HECW2: variants seen among roughly 807,000 people sequenced by gnomAD.
HECW2 encodes the protein E3 ubiquitin-protein ligase HECW2.
Under a neutral mutation model 175.2 loss-of-function variants are expected in HECW2, and 61 were observed. The ratio of observed to expected loss-of-function variants is 0.35; its 90% confidence interval spans 0.28 to 0.43. HECW2 has a LOEUF of 0.43. Among genes scored for constraint, HECW2 ranks in the 20% least tolerant of loss-of-function variants. The probability of loss-of-function intolerance (pLI) is 1.00; values close to 1 mark genes in which losing one functional copy is unlikely to be tolerated. For synonymous variants in HECW2, 671 were observed against 731.0 expected (o/e 0.92, Z 1.32); for missense variants, 1,524 against 2,000.5 (o/e 0.76, Z 4.54).
At chr2:196,333,007 C>T (rs1363139831) in intron 4 of HECW2, among the ~76,000 whole-genome samples, 2 of 151,978 alleles carry the variant, frequency 1.3e-5, no homozygotes, top group African/African-American at 4.8e-5. Context: ...ATTTTGCACA[C>T]ACTATTCCCT....
intron 4 of HECW2, among the ~76,000 whole-genome samples, chr2:196,330,413 T>C (rs1464273780): frequency 2.6e-5 from 4 of 152,198 alleles, no homozygotes; most frequent in South Asian, 2.1e-4. Context: ...AGGCAGAATA[T>C]ACCCAAATGT....
At chr2:196,264,474 T>A (rs940894886) in intron 17 of HECW2, among the ~76,000 whole-genome samples, 9 of 152,138 alleles carry the variant, frequency 5.9e-5, no homozygotes, top group African/African-American at 2.2e-4. Context: ...AACCACTTAT[T>A]AGCAAAAAAA....
chr2:196,339,242 C>A (rs1224606330), intron 3 of HECW2, among the ~76,000 whole-genome samples: 1 of 151,650 alleles, frequency 6.6e-6, no homozygotes, highest in Non-Finnish European at 1.5e-5. Flanking sequence ...ACCGAGGCCA[C>A]CCCATCTACA....
rs186328127 is a variant in HECW2, at chr2:196,473,734, C to T, written c.-35-40276G>A. ...GTGCAGTAACAGGTCTGGCCTTATT[C>T]GTGTTGGATGCTTTGCTTGAAAAAG... On this transcript the variant is annotated intron_variant, in intron 1 of 28. Coordinates refer to ENST00000644978, the MANE Select transcript of HECW2 (RefSeq NM_001348768.2). 2.6e-5 allele frequency among the ~76,000 whole-genome samples: 4 copies of T among 152,310 alleles called. No individual in the cohort carries two copies. In the East Asian group the frequency reaches 5.8e-4, roughly 22 times the overall value.
intron 1 of HECW2, among the ~76,000 whole-genome samples, chr2:196,444,740 T>A (rs146400985): frequency 2.6e-5 from 4 of 152,276 alleles, no homozygotes; most frequent in Non-Finnish European, 4.4e-5. Flanking sequence ...CTCTCACAAG[T>A]AGTGACATTA....
rs929767880 is a variant in HECW2 at position 196,584,230 on chromosome 2, G to A, written c.-36+9278C>T. Among the ~76,000 whole-genome samples, 4 of 152,180 alleles carry A rather than the reference G, an allele frequency of 2.6e-5. 1 individual carries two copies. The highest frequency in any genetic ancestry group is 7.2e-5 in the African/African-American group (3 of 41,452). The stretch of plus-strand genomic sequence containing the variant: ...GCATTCCAGGTGGGAGTTGCTTCCT[G>A]TGGTAAAAGTACTGAGGTGGAGATG... On this transcript the variant is annotated intron_variant, in intron 1 of 28. Transcript: ENST00000644978.
intron 2 of HECW2, among the ~76,000 whole-genome samples, chr2:196,359,109 T>C (rs1255565475): frequency 1.3e-5 from 2 of 152,286 alleles, no homozygotes; most frequent in South Asian, 2.1e-4. Flanking sequence ...GGAATGATAA[T>C]AGCAATTTGA....
intron 1 of HECW2, among the ~76,000 whole-genome samples, chr2:196,559,272 T>C (rs1453196284): frequency 6.6e-6 from 1 of 152,188 alleles, no homozygotes; most frequent in African/African-American, 2.4e-5. Flanking sequence ...TGGCTTAAAG[T>C]ATTTTCTTCA....
intron 1 of HECW2, among the ~76,000 whole-genome samples, chr2:196,542,760 CAT>C (rs969789237): frequency 6.7e-6 from 1 of 149,798 alleles, no homozygotes; most frequent in East Asian, 1.9e-4. Context: ...TATATATGTG[CAT>C]ATATATATAA....
At position 196,319,353 on chromosome 2, in the gene HECW2, C is replaced by A. The variant is rs557270812; in HGVS notation, c.1537G>T (p.Val513Phe). ...TSQTKLEDNP[V>F]ENEEASTHEA... Reference sequence around the variant, plus strand: ...TGTGTGGAGGCTTCCTCATTCTCAACAGGGTTGTCCTCCAGCTTTGTCTGA... The same window carrying A: ...TGTGTGGAGGCTTCCTCATTCTCAAAAGGGTTGTCCTCCAGCTTTGTCTGA... The change falls in exon 9 of 29, where the codon GTT (valine) becomes TTT (phenylalanine). Residue 513 changes from valine to phenylalanine, a missense_variant. Val to Phe is a conservative substitution (Grantham distance 50, BLOSUM62 -1). Around this residue, in one of 11 missense-constraint regions of HECW2, gnomAD observed 604 missense variants for 588.3 expected, o/e 1.03. Coordinates refer to ENST00000644978, the MANE Select transcript of HECW2 (RefSeq NM_001348768.2). 1.2e-6 allele frequency: 2 copies of A among 1,614,090 alleles called. No homozygotes were observed. Among genetic ancestry groups the A allele is most frequent in the Non-Finnish European group, 8.5e-7 (1 of 1,180,042 alleles).
chr2:196,347,646 T>C (rs1315344100), intron 2 of HECW2, among the ~76,000 whole-genome samples: 1 of 152,234 alleles, frequency 6.6e-6, no homozygotes, highest in Non-Finnish European at 1.5e-5. Context: ...AGAAGCAGAA[T>C]GAGCTGACCC....
At chr2:196,383,592 G>A (rs1694267649) in intron 2 of HECW2, among the ~76,000 whole-genome samples, 1 of 152,218 alleles carries the variant, frequency 6.6e-6, no homozygotes, top group Non-Finnish European at 1.5e-5. Context: ...GAAGGGAACA[G>A]TGACATCAAC....
intron 2 of HECW2, among the ~76,000 whole-genome samples, chr2:196,366,910 G>T (rs983359076): frequency 2.6e-5 from 4 of 152,164 alleles, no homozygotes; most frequent in Non-Finnish European, 5.9e-5. Flanking sequence ...GGGAATTTAA[G>T]AATAGGTTTT....
At chr2:196,345,703 T>A (rs550499481) in intron 2 of HECW2, among the ~76,000 whole-genome samples, 2 of 152,336 alleles carry the variant, frequency 1.3e-5, no homozygotes, top group African/African-American at 4.8e-5. Flanking sequence ...TACACACAAT[T>A]CTTAACAGAT....
intron 1 of HECW2, among the ~76,000 whole-genome samples, chr2:196,488,340 T>C (rs1687075268): frequency 6.6e-6 from 1 of 152,154 alleles, no homozygotes; most frequent in Non-Finnish European, 1.5e-5. Context: ...CACATGTAAA[T>C]AGCTCTTTTA....
chr2:196,318,165 T>G (rs1034101561), intron 9 of HECW2, among the ~76,000 whole-genome samples: 18 of 152,208 alleles, frequency 1.2e-4, no homozygotes, highest in African/African-American at 4.3e-4. Context: ...TTATTTAAGT[T>G]TGAAGATTGC....
chr2:196,451,908 ATAAATAAGAAATGATT>A (rs1323926371), intron 1 of HECW2, among the ~76,000 whole-genome samples: 13 of 152,338 alleles, frequency 8.5e-5, no homozygotes, highest in Admixed American at 8.5e-4. Flanking sequence ...CAATAAGTAA[ATAAATAAGAAATGATT>A]TATTTCTTAT....
rs568894796 is a variant in HECW2 at position 196,494,268 on chromosome 2, G to A, written c.-35-60810C>T. 2.4e-4 allele frequency among the ~76,000 whole-genome samples: 37 copies of A among 152,274 alleles called. 1 individual carries two copies. The South Asian group carries it at 7.1e-3, about 29-fold the overall frequency. Reference sequence around the variant, plus strand: ...ATGTATGTCAAGCTGATATGCTGGCGGGGGCTGGGAAGAGCCCTGAAAAGT... The same window carrying A: ...ATGTATGTCAAGCTGATATGCTGGCAGGGGCTGGGAAGAGCCCTGAAAAGT... On this transcript the variant is annotated intron_variant, in intron 1 of 28. Coordinates refer to ENST00000644978, the MANE Select transcript of HECW2 (RefSeq NM_001348768.2).
chr2:196,368,358 G>T (rs62187070), intron 2 of HECW2, among the ~76,000 whole-genome samples: 7,547 of 152,212 alleles, frequency 0.05, 235 homozygotes, highest in African/African-American at 0.071. Context: ...AGATATATTG[G>T]AAGTCCATTG....
Sources: gnomAD v4.1 joint callset for allele counts (sites outside exome capture counted in the v4.1 genomes callset) on GRCh38, gnomAD v4.1.1 for gene constraint, gnomAD v4.1.1 regional missense constraint, MANE v1.5 for transcripts, NCBI Gene and HGNC (gene_info 2026-07-23, HGNC 2026-07-21) for gene names.